FBXO34: variants seen among roughly 807,000 people sequenced by gnomAD.
FBXO34 encodes F-box protein 34.
A neutral mutation model predicts 24.5 loss-of-function variants in FBXO34; 12 were observed. The ratio of observed to expected loss-of-function variants is 0.49; its 90% CI spans 0.31 to 0.79. FBXO34 has a LOEUF of 0.79. FBXO34 is among the 30% of genes least tolerant of loss of function. The pLI, the probability that FBXO34 is intolerant of heterozygous loss-of-function variation, is 0.04. For missense variants in FBXO34, 823 were observed against 857.7 expected (o/e 0.96, Z 0.51); for synonymous variants, 320 against 311.9 (o/e 1.03, Z -0.27).
intron 1 of FBXO34, among the ~76,000 whole-genome samples, chr14:55,339,213 AC>A (rs1883901469): frequency 6.6e-6 from 1 of 152,240 alleles, no homozygotes; most frequent in African/African-American, 2.4e-5. Context: ...TCTGGTACTT[AC>A]ACATTTACAA....
chr14:55,436,627 G>A, the FBXO34 span: 16 of 1,614,208 alleles, frequency 9.9e-6, no homozygotes, highest in Non-Finnish European at 1.4e-5. Context: ...AGTTATGGAT[G>A]CCAGAGACAA....
intron 1 of FBXO34, among the ~76,000 whole-genome samples, chr14:55,272,784 T>TAC (rs1881200791): frequency 6.6e-6 from 1 of 152,148 alleles, no homozygotes; most frequent in Non-Finnish European, 1.5e-5. Flanking sequence ...AACAAGCTGT[T>TAC]TTCTTGCTTT....
intron 1 of FBXO34, among the ~76,000 whole-genome samples, chr14:55,311,198 G>A (rs1389972347): frequency 6.6e-6 from 1 of 152,194 alleles, no homozygotes; most frequent in African/African-American, 2.4e-5. Context: ...AATGTGGCAG[G>A]AGGGAGAAGG....
intron 1 of FBXO34, among the ~76,000 whole-genome samples, chr14:55,306,209 A>G (rs1882539371): frequency 6.6e-6 from 1 of 152,258 alleles, no homozygotes; most frequent in South Asian, 2.1e-4. Context: ...TTTGGACTTC[A>G]TTATGATTAG....
At chr14:55,432,245 C>CA in the FBXO34 span, among the ~76,000 whole-genome samples, 57,332 of 121,850 alleles carry the variant, frequency 0.47, 14,522 homozygotes, top group East Asian at 0.61. Context: ...CCCGTCTCTA[C>CA]AAAAAAAAAA....
chr14:55,390,364 C>T, the FBXO34 span, among the ~76,000 whole-genome samples: 1 of 151,734 alleles, frequency 6.6e-6, no homozygotes, highest in Non-Finnish European at 1.5e-5. Flanking sequence ...AGCCACCGTG[C>T]CTGGCCAACT....
intron 1 of FBXO34, among the ~76,000 whole-genome samples, chr14:55,280,921 C>G (rs1881518855): frequency 6.6e-6 from 1 of 151,810 alleles, no homozygotes; most frequent in Non-Finnish European, 1.5e-5. Context: ...ATAATATGAA[C>G]CTTGTATGTA....
the FBXO34 span, chr14:55,436,744 A>G: frequency 8.7e-6 from 14 of 1,614,088 alleles, no homozygotes; most frequent in Admixed American, 3.3e-5. Context: ...GCCCAGCCCA[A>G]CGTCCTGTTC....
At chr14:55,367,130 T>G (rs1304856728) in intron 2 of FBXO34, 2 of 152,476 alleles carry the variant, frequency 1.3e-5, no homozygotes, top group African/African-American at 4.8e-5. Flanking sequence ...TTGTGATCTC[T>G]GGATTCTATT....
chr14:55,411,831 G>A, the FBXO34 span: 3 of 1,581,452 alleles, frequency 1.9e-6, no homozygotes, highest in Admixed American at 5.4e-5. Context: ...ATGATGGCCT[G>A]AGAGGAGAGC....
At chr14:55,369,840 C>A, downstream of FBXO34, 1 of 1,614,150 alleles carries the variant, frequency 6.2e-7, no homozygotes, top group Non-Finnish European at 8.5e-7. Context: ...CGCTCATCTC[C>A]GCTCTCATCT....
In FBXO34 at chr14:55,353,168, C is replaced by G. The variant is rs1884451126; in HGVS notation, c.*642C>G. On this transcript the variant is annotated 3_prime_UTR_variant, in exon 2 of 2. Transcript: ENST00000313833. The stretch of plus-strand genomic sequence containing the variant: ...CTTTACCTTTAGATGAGTGCTTTGG[C>G]CCCTCTGTGAATAGCACGATTAAAA... The G allele has an allele frequency of 1.8e-5, 3 of 167,060 alleles. No individual in the cohort carries two copies. The South Asian group carries it at 6.2e-4, about 35-fold the overall frequency. 10.3% of individuals were successfully genotyped at this position (167,060 alleles called of 1,614,324 possible).
chr14:55,427,727 A>C, the FBXO34 span, among the ~76,000 whole-genome samples: 6 of 151,980 alleles, frequency 3.9e-5, no homozygotes, highest in Non-Finnish European at 8.8e-5. Flanking sequence ...GCGGGGGAGG[A>C]GCACTAGCTG....
chr14:55,294,260 C>G (rs1345277910), intron 1 of FBXO34, among the ~76,000 whole-genome samples: 3 of 152,054 alleles, frequency 2.0e-5, no homozygotes, highest in Non-Finnish European at 2.9e-5. Flanking sequence ...TCTATTTGTT[C>G]ACTGTATTCC....
At chr14:55,349,482 CAT>C (rs142528622) in intron 1 of FBXO34, among the ~76,000 whole-genome samples, 8,838 of 151,778 alleles carry the variant, frequency 0.058, 320 homozygotes, top group South Asian at 0.089. Context: ...TGTTTCTACA[CAT>C]AGATTATTTA....
At chr14:55,421,933 T>G in the FBXO34 span, among the ~76,000 whole-genome samples, 32 of 152,306 alleles carry the variant, frequency 2.1e-4, no homozygotes, top group East Asian at 5.8e-3. Flanking sequence ...TTTTTTTAGA[T>G]GAGGCAAGAT....
chr14:55,341,548 G>A (rs1883992082), intron 1 of FBXO34, among the ~76,000 whole-genome samples: 2 of 152,156 alleles, frequency 1.3e-5, no homozygotes, highest in African/African-American at 4.8e-5. Flanking sequence ...ATTAGAATAG[G>A]TAAAATATGC....
At chr14:55,277,339 T>A (rs1881377429) in intron 1 of FBXO34, among the ~76,000 whole-genome samples, 1 of 152,216 alleles carries the variant, frequency 6.6e-6, no homozygotes, top group African/African-American at 2.4e-5. Flanking sequence ...TTTTGTTTTT[T>A]GAGACAGTCT....
the FBXO34 span, chr14:55,436,599 G>A: frequency 6.2e-7 from 1 of 1,614,150 alleles, no homozygotes. Flanking sequence ...CTGAAATAGG[G>A]GTCATTGGTG....
Sources: allele counts gnomAD v4.1 joint callset (sites outside exome capture counted in the v4.1 genomes callset), GRCh38; gene constraint gnomAD v4.1.1; transcripts MANE v1.5; gene names NCBI Gene and HGNC (gene_info 2026-07-23, HGNC 2026-07-21).